The following KIAA2012 variants were observed in gnomAD, a reference collection of about 807,000 sequenced individuals.
KIAA2012 encodes the protein uncharacterized protein KIAA2012.
In KIAA2012, 125 loss-of-function variants were observed where a neutral mutation model predicts 150.6. The observed-to-expected ratio is 0.83, with a 90% confidence interval of 0.72 to 0.96. The LOEUF is 0.96. Ranked by LOEUF, KIAA2012 falls within the 40% of genes least tolerant of loss-of-function variation. The pLI, the probability that KIAA2012 is intolerant of heterozygous loss-of-function variation, is 0.00. For missense variants in KIAA2012, 1,219 were observed against 1,354.9 expected (o/e 0.90, Z 1.57); for synonymous variants, 462 against 504.7 (o/e 0.92, Z 1.13).
intron 16 of KIAA2012, among the ~76,000 whole-genome samples, chr2:202,185,531 G>A (rs1438923148): frequency 6.6e-6 from 1 of 152,146 alleles, no homozygotes; most frequent in Non-Finnish European, 1.5e-5. Flanking sequence ...GAATGAGACA[G>A]CCACCAGAGG....
chr2:202,116,866 T>C (rs1690541601), intron 11 of KIAA2012: 1 of 152,152 alleles, frequency 6.6e-6, no homozygotes, highest in East Asian at 1.9e-4. Flanking sequence ...TCCTCCTTGC[T>C]CTCTCTCTCG....
intron 4 of KIAA2012, among the ~76,000 whole-genome samples, chr2:202,096,094 C>A (rs1689875424): frequency 1.3e-5 from 2 of 151,688 alleles, no homozygotes; most frequent in South Asian, 2.1e-4. Context: ...CCGCACCCCC[C>A]ACCCAAAAAA....
intron 3 of KIAA2012, 138 bp downstream of exon 3, chr2:202,091,067 G>GTGGGCTACCAAGC: frequency 8.6e-7 from 1 of 1,162,622 alleles, no homozygotes; most frequent in Non-Finnish European, 1.2e-6. Context: ...CCCCACGCTT[G>GTGGGCTACCAAGC]GTAGCCCACA....
At chr2:202,200,707 CTTT>C (rs3068268) in intron 22 of KIAA2012, among the ~76,000 whole-genome samples, 1 of 124,270 alleles carries the variant, frequency 8.0e-6, no homozygotes, top group Non-Finnish European at 1.6e-5. Context: ...AATTTTGGAA[CTTT>C]TTTTTTTTTT....
chr2:202,132,940 CAA>C (rs751295726), intron 12 of KIAA2012, among the ~76,000 whole-genome samples: 5 of 91,068 alleles, frequency 5.5e-5, no homozygotes, highest in African/African-American at 1.3e-4. Flanking sequence ...ACTAAAAATA[CAA>C]AAAAAAAAAA....
chr2:202,122,734 C>T (rs960524123), intron 11 of KIAA2012, among the ~76,000 whole-genome samples: 3 of 152,188 alleles, frequency 2.0e-5, no homozygotes, highest in African/African-American at 7.2e-5. Context: ...AAACTCCTGA[C>T]CTCAGGTGAT....
intron 2 of KIAA2012, among the ~76,000 whole-genome samples, chr2:202,088,807 G>A (rs970553340): frequency 1.3e-5 from 2 of 152,130 alleles, no homozygotes; most frequent in Non-Finnish European, 2.9e-5. Flanking sequence ...CCTAGTATGT[G>A]CCAGGCACTG....
chr2:202,103,229 A>T, intron 8 of KIAA2012, 115 bp downstream of exon 8: 1 of 978,360 alleles, frequency 1.0e-6, no homozygotes, highest in Non-Finnish European at 1.5e-6. Context: ...CCTTCAGAGA[A>T]TATTTTTTAA....
intron 12 of KIAA2012, among the ~76,000 whole-genome samples, chr2:202,128,078 C>G (rs73055523): frequency 6.6e-6 from 1 of 152,126 alleles, no homozygotes; most frequent in African/African-American, 2.4e-5. Flanking sequence ...AGGCCTCAAA[C>G]TGACCTCCCC....
At chr2:202,075,604 C>T (rs892136749) in intron 2 of KIAA2012, among the ~76,000 whole-genome samples, 1 of 152,128 alleles carries the variant, frequency 6.6e-6, no homozygotes, top group Non-Finnish European at 1.5e-5. Flanking sequence ...AAATATTTAC[C>T]TTGAGCCCTT....
chr2:202,193,097 A>C (rs1333917957), intron 19 of KIAA2012, among the ~76,000 whole-genome samples: 1 of 152,196 alleles, frequency 6.6e-6, no homozygotes, highest in African/African-American at 2.4e-5. Context: ...TCCCAAAGCA[A>C]GTAAGAGAGA....
chr2:202,163,107 T>TC (rs1194296673), intron 14 of KIAA2012, among the ~76,000 whole-genome samples: 1 of 148,778 alleles, frequency 6.7e-6, no homozygotes, highest in South Asian at 2.2e-4. Context: ...GTATATTCTT[T>TC]TTTTTTTTTT....
At chr2:202,165,564 A>T (rs181781102) in intron 15 of KIAA2012, among the ~76,000 whole-genome samples, 1 of 152,296 alleles carries the variant, frequency 6.6e-6, no homozygotes, top group East Asian at 1.9e-4. Flanking sequence ...TGTACTAAAA[A>T]TACAAAATTA....
Position 202,113,254 on chromosome 2 carries a change from C to A in KIAA2012, c.1652-82C>A, listed in dbSNP as rs567936267. 7.4e-5 allele frequency: 78 copies of A among 1,048,306 alleles called. No individual in the cohort carries two copies. In the African/African-American group the frequency reaches 1.2e-3, roughly 16 times the overall value. 64.9% of individuals were successfully genotyped at this position (1,048,306 alleles called of 1,614,324 possible). ...TCTACGGGTGTGTGCCCGCGGGGGA[C>A]CAGGGGAACATGGCCCAGGTTTGGT... On this transcript the variant is annotated intron_variant, in intron 10 of 23. Coordinates refer to ENST00000498697, the MANE Select transcript of KIAA2012 (RefSeq NM_001277372.4).
rs1358767432 is a variant in KIAA2012, at chr2:202,186,958, C to G, written c.2236C>G (p.Leu746Val). The change falls in exon 17 of 24, where the codon CTA (leucine) becomes GTA (valine). Residue 746 changes from leucine to valine, a missense_variant. Leu to Val is a conservative substitution (Grantham distance 32, BLOSUM62 1). Transcript: ENST00000498697. ...KVGRDYDVHH[L>V]HRGLLGYGPE... ...GGGCAGAGATTATGATGTACACCAC[C>G]TACACAGAGGACTTCTGGGATACGG... 6.4e-7 allele frequency: 1 copy of G among 1,550,624 alleles called. No homozygotes were observed. The highest frequency in any genetic ancestry group is 2.0e-5 in the Admixed American group (1 of 50,994).
At chr2:202,138,834 T>C (rs573115594) in intron 13 of KIAA2012, among the ~76,000 whole-genome samples, 1 of 152,306 alleles carries the variant, frequency 6.6e-6, no homozygotes, top group Non-Finnish European at 1.5e-5. Context: ...TTTTCATTCG[T>C]AAAATTAGTA....
intron 12 of KIAA2012, among the ~76,000 whole-genome samples, chr2:202,128,726 T>C (rs549173019): frequency 7.9e-5 from 12 of 152,014 alleles, no homozygotes; most frequent in Admixed American, 5.2e-4. Flanking sequence ...TTTTTTTTTT[T>C]TTTTCAGGTT....
chr2:202,143,265 T>C (rs4673231), intron 13 of KIAA2012, among the ~76,000 whole-genome samples: 52,256 of 151,238 alleles, frequency 0.35, 9,275 homozygotes, highest in East Asian at 0.59. Context: ...TTTTGTATTT[T>C]AGTAGAGACA....
intron 13 of KIAA2012, among the ~76,000 whole-genome samples, chr2:202,144,683 T>C (rs1691262732): frequency 6.6e-6 from 1 of 152,174 alleles, no homozygotes; most frequent in African/African-American, 2.4e-5. Flanking sequence ...TCCTGGTACA[T>C]GGGAGCCACT....
Sources: gnomAD v4.1 joint callset for allele counts (sites outside exome capture counted in the v4.1 genomes callset) on GRCh38, gnomAD v4.1.1 for gene constraint, MANE v1.5 for transcripts, NCBI Gene and HGNC (gene_info 2026-07-23, HGNC 2026-07-21) for gene names.